The following SGMS1 variants were observed in gnomAD, a reference collection of about 807,000 sequenced individuals.
SGMS1 encodes the protein sphingomyelin synthase 1.
Under a neutral mutation model 46.2 loss-of-function variants are expected in SGMS1, and 13 were observed. The ratio of observed to expected loss-of-function variants is 0.28; its 90% CI spans 0.18 to 0.45. SGMS1 has a LOEUF of 0.45. SGMS1 is among the 20% of genes least tolerant of loss of function. The pLI is 1.00. For synonymous variants in SGMS1, 203 were observed against 187.8 expected, an observed-to-expected ratio of 1.08 and a Z score of -0.66; for missense variants, 324 against 519.9, an observed-to-expected ratio of 0.62 and a Z score of 3.66.
intron 2 of SGMS1, among the ~76,000 whole-genome samples, chr10:50,531,495 C>T (rs1837953122): frequency 6.6e-6 from 1 of 152,084 alleles, no homozygotes; most frequent in African/African-American, 2.4e-5. Flanking sequence ...CAAGCTGGTA[C>T]TCTGCAGGTC....
At chr10:50,408,022 G>A (rs1362499855) in intron 6 of SGMS1, among the ~76,000 whole-genome samples, 2 of 152,132 alleles carry the variant, frequency 1.3e-5, no homozygotes, top group African/African-American at 2.4e-5. Flanking sequence ...TGAGATGATG[G>A]AATGGTTCTG....
At chr10:50,333,420 C>G (rs1003669186) in intron 7 of SGMS1, among the ~76,000 whole-genome samples, 3 of 152,236 alleles carry the variant, frequency 2.0e-5, no homozygotes, top group Admixed American at 2.0e-4. Flanking sequence ...TCCCTTCACT[C>G]TGCATCCTTT....
At chr10:50,604,826 C>CA (rs1016821693) in intron 1 of SGMS1, among the ~76,000 whole-genome samples, 3 of 146,032 alleles carry the variant, frequency 2.1e-5, no homozygotes, top group South Asian at 2.2e-4. Flanking sequence ...AGACAGACTC[C>CA]AAAAAAATGA....
chr10:50,573,611 G>A (rs1392158822), intron 2 of SGMS1, among the ~76,000 whole-genome samples: 2 of 152,110 alleles, frequency 1.3e-5, no homozygotes, highest in African/African-American at 4.8e-5. Context: ...CAGTTTCAAT[G>A]CAATCCTGAT....
chr10:50,409,924 T>C (rs943636042), intron 6 of SGMS1, among the ~76,000 whole-genome samples: 1 of 152,214 alleles, frequency 6.6e-6, no homozygotes, highest in African/African-American at 2.4e-5. Flanking sequence ...TTCATAAGTC[T>C]ACAAGAATTT....
At chr10:50,568,296 C>T (rs1838307491) in intron 2 of SGMS1, among the ~76,000 whole-genome samples, 1 of 151,896 alleles carries the variant, frequency 6.6e-6, no homozygotes, top group African/African-American at 2.4e-5. Context: ...AAATAGCCAC[C>T]AAAAAAAGCT....
chr10:50,563,103 G>A (rs1397919554), intron 2 of SGMS1, among the ~76,000 whole-genome samples: 1 of 152,148 alleles, frequency 6.6e-6, no homozygotes, highest in Non-Finnish European at 1.5e-5. Flanking sequence ...TTTCATTAAC[G>A]AACTAGTAAG....
At position 50,441,295 on chromosome 10, in the gene SGMS1, T is replaced by C. The variant is rs1045343396; in HGVS notation, c.-312-7739A>G. 5.9e-5 allele frequency among the ~76,000 whole-genome samples: 9 copies of C among 152,246 alleles called. No individual in the cohort carries two copies. In the South Asian group the frequency reaches 1.5e-3, roughly 25 times the overall value. On this transcript the variant is annotated intron_variant, in intron 5 of 10. Transcript: ENST00000361781. ...AGGCTGTTGCCTTCTACATTGAAAATCAGTCTCACTCAAGTATGAAATACC... is the reference window on the plus strand; with the variant it reads ...AGGCTGTTGCCTTCTACATTGAAAACCAGTCTCACTCAAGTATGAAATACC...
intron 2 of SGMS1, among the ~76,000 whole-genome samples, chr10:50,549,922 A>G (rs1564429541): frequency 6.6e-6 from 1 of 152,208 alleles, no homozygotes; most frequent in Non-Finnish European, 1.5e-5. Flanking sequence ...TCTGCCATCA[A>G]TTATCTCAGA....
chr10:50,416,435 T>C (rs1316862568), intron 6 of SGMS1, among the ~76,000 whole-genome samples: 1 of 152,300 alleles, frequency 6.6e-6, no homozygotes, highest in South Asian at 2.1e-4. Context: ...ATAAAGGAGA[T>C]CCTTAAATAT....
intron 8 of SGMS1, among the ~76,000 whole-genome samples, chr10:50,316,437 T>A (rs1847339168): frequency 6.6e-6 from 1 of 152,232 alleles, no homozygotes; most frequent in African/African-American, 2.4e-5. Flanking sequence ...ACTATTTAAA[T>A]GTGCTATTTA....
chr10:50,335,770 T>C (rs1161221023), intron 7 of SGMS1: 2 of 152,128 alleles, frequency 1.3e-5, no homozygotes, highest in Admixed American at 1.3e-4. Context: ...GTACACAGAG[T>C]ACTCATTTAT....
At chr10:50,468,884 C>T (rs889236246) in intron 3 of SGMS1, among the ~76,000 whole-genome samples, 4 of 152,218 alleles carry the variant, frequency 2.6e-5, no homozygotes, top group South Asian at 2.1e-4. Flanking sequence ...CACTGGTGAA[C>T]ACAAAGTAGT....
intron 2 of SGMS1, among the ~76,000 whole-genome samples, chr10:50,576,372 G>C (rs1322558861): frequency 6.6e-6 from 1 of 152,124 alleles, no homozygotes; most frequent in African/African-American, 2.4e-5. Flanking sequence ...GCCCCTGATC[G>C]AGTACACTCA....
At chr10:50,607,920 A>G (rs1838712353) in intron 1 of SGMS1, among the ~76,000 whole-genome samples, 1 of 152,194 alleles carries the variant, frequency 6.6e-6, no homozygotes, top group Admixed American at 6.5e-5. Flanking sequence ...AAAACAAACT[A>G]AACAAATAAG....
rs191220749 is a variant in SGMS1, at chr10:50,450,300, A to G, written c.-313+10373T>C. On this transcript the variant is annotated intron_variant, in intron 5 of 10. Coordinates refer to ENST00000361781, the MANE Select transcript of SGMS1 (RefSeq NM_147156.4). ...AAAGCAGATTAAGGATTACAAGTGG[A>G]TGTTATTTATGTGCCCTTCACCCCT... Among the ~76,000 whole-genome samples the G allele has an allele frequency of 1.9e-3, 296 of 152,336 alleles. 2 individuals are homozygous for G. The highest frequency in any genetic ancestry group is 6.8e-3 in the African/African-American group (282 of 41,582).
At chr10:50,497,681 C>A (rs534439167) in intron 3 of SGMS1, among the ~76,000 whole-genome samples, 1 of 152,220 alleles carries the variant, frequency 6.6e-6, no homozygotes, top group South Asian at 2.1e-4. Context: ...GTAATCCCAG[C>A]TACTCAGAAG....
At chr10:50,374,136 T>C (rs942918561) in intron 6 of SGMS1, among the ~76,000 whole-genome samples, 11 of 152,168 alleles carry the variant, frequency 7.2e-5, no homozygotes, top group African/African-American at 2.4e-4. Flanking sequence ...TATATTAATA[T>C]ATATTTACAA....
At chr10:50,542,033 C>A (rs2133819676) in intron 2 of SGMS1, among the ~76,000 whole-genome samples, 1 of 152,202 alleles carries the variant, frequency 6.6e-6, no homozygotes, top group East Asian at 1.9e-4. Context: ...ATCACCGTGG[C>A]AGGAACCATT....
Sources: allele counts gnomAD v4.1 joint callset (sites outside exome capture counted in the v4.1 genomes callset), GRCh38; gene constraint gnomAD v4.1.1; transcripts MANE v1.5; gene names NCBI Gene and HGNC (gene_info 2026-07-23, HGNC 2026-07-21).